Variants in RPS6KC1 observed in about 807,000 individuals in gnomAD.
The protein encoded by RPS6KC1 is ribosomal protein S6 kinase C1.
A neutral mutation model predicts 103.8 loss-of-function variants in RPS6KC1; 54 were observed. The observed-to-expected ratio is 0.52, with a 90% confidence interval of 0.42 to 0.65. The LOEUF is 0.65. RPS6KC1 is among the 30% of genes least tolerant of loss of function. The pLI, the probability that RPS6KC1 is intolerant of heterozygous loss-of-function variation, is 0.00. For missense variants in RPS6KC1, 1,151 were observed against 1,253.8 expected, an observed-to-expected ratio of 0.92 and a Z score of 1.24; for synonymous variants, 439 against 438.7, an observed-to-expected ratio of 1.00 and a Z score of -0.01.
chr1:213,474,640 G>A, the RPS6KC1 span, among the ~76,000 whole-genome samples: 2 of 152,092 alleles, frequency 1.3e-5, no homozygotes, highest in African/African-American at 2.4e-5. Context: ...TTGGTAATCT[G>A]AGCAGAGCGC....
chr1:213,780,279 A>G, the RPS6KC1 span, among the ~76,000 whole-genome samples: 2 of 152,328 alleles, frequency 1.3e-5, no homozygotes, highest in East Asian at 3.9e-4. Context: ...TCACGGGTGA[A>G]CAAGTGCATT....
chr1:213,592,356 A>C, the RPS6KC1 span, among the ~76,000 whole-genome samples: 1 of 152,256 alleles, frequency 6.6e-6, no homozygotes, highest in Admixed American at 6.5e-5. Flanking sequence ...AAATATATCC[A>C]GCAGTCTTAT....
chr1:213,770,426 G>T, the RPS6KC1 span, among the ~76,000 whole-genome samples: 2 of 152,240 alleles, frequency 1.3e-5, no homozygotes, highest in African/African-American at 4.8e-5. Context: ...GTGAAAATAA[G>T]TAATGTTGTC....
At chr1:213,406,660 A>G in the RPS6KC1 span, among the ~76,000 whole-genome samples, 108 of 152,332 alleles carry the variant, frequency 7.1e-4, 2 homozygotes, top group African/African-American at 2.5e-3. Flanking sequence ...TGAAGGGGTC[A>G]TATAAAAACA....
chr1:213,638,191 C>CT, the RPS6KC1 span, among the ~76,000 whole-genome samples: 1 of 151,976 alleles, frequency 6.6e-6, no homozygotes, highest in Non-Finnish European at 1.5e-5. Context: ...CTATAGGTAT[C>CT]TTTTTTGATG....
At chr1:213,163,190 G>A (rs2090640295) in intron 6 of RPS6KC1, among the ~76,000 whole-genome samples, 1 of 152,094 alleles carries the variant, frequency 6.6e-6, no homozygotes, top group Admixed American at 6.6e-5. Flanking sequence ...GACTAAAGTT[G>A]TTAACAACAA....
rs2094396213 is a variant in RPS6KC1, at chr1:213,243,291, T to G, written c.2911+633T>G. On this transcript the variant is annotated intron_variant, in intron 12 of 14. Transcript: ENST00000366960. Reference sequence around the variant, plus strand: ...TTCCTGGCTAATTAAAAAAATTTTTTTTTTTTTAAATAGAAACAGGGCCTT... The same window carrying G: ...TTCCTGGCTAATTAAAAAAATTTTTGTTTTTTTAAATAGAAACAGGGCCTT... Among the ~76,000 whole-genome samples the G allele has an allele frequency of 2.0e-5, 3 of 152,116 alleles. No homozygotes were observed. The South Asian group carries it at 6.2e-4, about 32-fold the overall frequency.
chr1:213,625,494 A>G, the RPS6KC1 span, among the ~76,000 whole-genome samples: 1 of 151,950 alleles, frequency 6.6e-6, no homozygotes, highest in African/African-American at 2.4e-5. Context: ...TTTGTTACAT[A>G]TGTATACATG....
the RPS6KC1 span, among the ~76,000 whole-genome samples, chr1:213,560,317 CAG>C: frequency 6.6e-6 from 1 of 152,082 alleles, no homozygotes; most frequent in East Asian, 1.9e-4. Context: ...AGGTCAGAGA[CAG>C]AGAAGTCATA....
the RPS6KC1 span, among the ~76,000 whole-genome samples, chr1:213,794,921 T>G: frequency 6.6e-6 from 1 of 152,188 alleles, no homozygotes; most frequent in Non-Finnish European, 1.5e-5. Flanking sequence ...TGTTAAAATA[T>G]AAATAGATCA....
intron 6 of RPS6KC1, among the ~76,000 whole-genome samples, chr1:213,134,593 T>C (rs1166571592): frequency 2.0e-5 from 3 of 152,156 alleles, no homozygotes; most frequent in Non-Finnish European, 4.4e-5. Context: ...TGGGTAGATA[T>C]GTGCTAGGCT....
chr1:213,290,144 C>CA, the RPS6KC1 span, among the ~76,000 whole-genome samples: 47,253 of 70,154 alleles, frequency 0.67, 15,987 homozygotes, highest in African/African-American at 0.78. Context: ...GACTCCGTCT[C>CA]AAAAAAAAAA....
At chr1:213,603,901 T>A in the RPS6KC1 span, among the ~76,000 whole-genome samples, 102 of 151,834 alleles carry the variant, frequency 6.7e-4, no homozygotes, top group African/African-American at 2.0e-3. Flanking sequence ...GAAAAAAAAA[T>A]TTTTTCTGTT....
At chr1:213,669,798 T>C in the RPS6KC1 span, among the ~76,000 whole-genome samples, 1 of 152,310 alleles carries the variant, frequency 6.6e-6, no homozygotes, top group East Asian at 1.9e-4. Flanking sequence ...TTCCGACCGC[T>C]GATACATGGG....
chr1:213,782,262 C>G, the RPS6KC1 span, among the ~76,000 whole-genome samples: 1 of 152,168 alleles, frequency 6.6e-6, no homozygotes, highest in Admixed American at 6.5e-5. Flanking sequence ...CACCTCAAAG[C>G]AGATGTAGAG....
At chr1:213,369,000 G>A in the RPS6KC1 span, among the ~76,000 whole-genome samples, 5 of 151,570 alleles carry the variant, frequency 3.3e-5, no homozygotes, top group Non-Finnish European at 7.3e-5. Context: ...CCACAGTTGC[G>A]TACTGTCTGT....
chr1:213,830,644 C>T, the RPS6KC1 span, among the ~76,000 whole-genome samples: 2 of 114,762 alleles, frequency 1.7e-5, no homozygotes, highest in Non-Finnish European at 3.6e-5. Flanking sequence ...TTTTAAATGA[C>T]AATAGAAAGG....
the RPS6KC1 span, among the ~76,000 whole-genome samples, chr1:213,558,305 C>T: frequency 6.6e-6 from 1 of 152,168 alleles, no homozygotes; most frequent in Admixed American, 6.5e-5. Context: ...AACCACAAAC[C>T]CCTGCTCACG....
chr1:213,355,809 G>A, the RPS6KC1 span, among the ~76,000 whole-genome samples: 20 of 152,278 alleles, frequency 1.3e-4, no homozygotes, highest in Middle Eastern at 3.4e-3. Context: ...CTATGAACCA[G>A]CACGACTTAT....
Sources: allele counts gnomAD v4.1 joint callset (sites outside exome capture counted in the v4.1 genomes callset), GRCh38; gene constraint gnomAD v4.1.1; transcripts MANE v1.5; gene names NCBI Gene and HGNC (gene_info 2026-07-23, HGNC 2026-07-21).